Variants in RAD23B observed in about 807,000 individuals in gnomAD.
The protein encoded by RAD23B is lysine-specific demethylase RAD23B.
A neutral mutation model predicts 49.1 loss-of-function variants in RAD23B; 5 were observed. The observed-to-expected ratio is 0.10, with a 90% confidence interval of 0.05 to 0.21. The LOEUF is 0.21. Ranked by LOEUF, RAD23B falls within the 10% of genes least tolerant of loss-of-function variation. The pLI is 1.00. For synonymous variants in RAD23B, 184 were observed against 165.4 expected (o/e 1.11, Z -0.86); for missense variants, 356 against 486.7 (o/e 0.73, Z 2.53).
intron 1 of RAD23B, among the ~76,000 whole-genome samples, chr9:107,283,900 G>A (rs1470168909): frequency 1.3e-5 from 2 of 152,178 alleles, no homozygotes; most frequent in Non-Finnish European, 2.9e-5. Flanking sequence ...GAATGGGGAA[G>A]CAGTGGCCGG....
Position 107,283,619 on chromosome 9 carries a change from GCGGC to G in RAD23B, c.-10_-7del. On this transcript the variant is annotated 5_prime_UTR_variant, in exon 1 of 10. Coordinates refer to ENST00000358015, the MANE Select transcript of RAD23B (RefSeq NM_002874.5). ...GGCGCAGGCCCGGCAGCCGAGCTGC[GCGGC>G]GGCACCATGCAGGTCACCCTGAAGA... 1 of 1,473,498 alleles carries G rather than the reference GCGGC, an allele frequency of 6.8e-7. No individual in the cohort carries two copies. The highest frequency in any genetic ancestry group is 3.1e-5 in the East Asian group (1 of 31,934). 91.3% of individuals were successfully genotyped at this position (1,473,498 alleles called of 1,614,324 possible). A position where few individuals can be genotyped will look rare whatever the true frequency, so the allele number is the denominator to read the frequency against.
Position 107,331,424 on chromosome 9 carries a change from A to T in RAD23B, c.*1768A>T. The T allele has an allele frequency of 2.7e-6, 1 of 366,764 alleles. No individual in the cohort carries two copies. The highest frequency in any genetic ancestry group is 5.4e-5 in the South Asian group (1 of 18,622). 22.7% of individuals were successfully genotyped at this position (366,764 alleles called of 1,614,324 possible). On this transcript the variant is annotated 3_prime_UTR_variant, in exon 10 of 10. Transcript: ENST00000358015. ...AGGCTGAGGCATGAGAATTGCTTGA[A>T]CCCGGGAAGTGAAGGTTGCCGTGAG...
chr9:107,329,015 G>GT (rs1404423631), intron 9 of RAD23B, among the ~76,000 whole-genome samples: 2 of 152,154 alleles, frequency 1.3e-5, no homozygotes, highest in East Asian at 3.8e-4. Context: ...AGTATGGAGT[G>GT]TTGAATAAAG....
chr9:107,299,147 T>G (rs1468108107), intron 1 of RAD23B, among the ~76,000 whole-genome samples: 1 of 152,232 alleles, frequency 6.6e-6, no homozygotes, highest in African/African-American at 2.4e-5. Flanking sequence ...CATCTGAAGC[T>G]AAATAAGCTT....
At chr9:107,320,346 G>A (rs1357999110) in intron 6 of RAD23B, among the ~76,000 whole-genome samples, 1 of 152,166 alleles carries the variant, frequency 6.6e-6, no homozygotes, top group East Asian at 1.9e-4. Context: ...TTATGGAGTG[G>A]CTTTCATTTA....
At chr9:107,309,309 C>G (rs574059461) in intron 4 of RAD23B, among the ~76,000 whole-genome samples, 1 of 152,116 alleles carries the variant, frequency 6.6e-6, no homozygotes, top group African/African-American at 2.4e-5. Flanking sequence ...ATAGCTGATA[C>G]TACAAGACAG....
Position 107,318,836 on chromosome 9 carries a change from C to G in RAD23B, c.638C>G (p.Ala213Gly). ...GAGCAAGTAATTGCAGCCCTGAGAG[C>G]CAGTTTCAACAACCCTGACAGAGCA... ...EREQVIAALR[A>G]SFNNPDRAVE... The change falls in exon 6 of 10, where the codon GCC becomes GGC. Residue 213 changes from alanine to glycine, a missense_variant. By Grantham distance (60) the Ala-to-Gly change is moderately conservative. Around this residue, in one of 5 missense-constraint regions of RAD23B, gnomAD observed 148 missense variants for 231.7 expected, o/e 0.64. Coordinates refer to ENST00000358015, the MANE Select transcript of RAD23B (RefSeq NM_002874.5). This position sits in a 1 kb window ranked among gnomAD's most constrained non-coding sequence, Gnocchi z 4.3. 1.2e-6 allele frequency: 2 copies of G among 1,613,468 alleles called. No homozygotes were observed. Among genetic ancestry groups the G allele is most frequent in the Non-Finnish European group, 1.7e-6 (2 of 1,179,530 alleles).
At chr9:107,302,388 C>T (rs538113274) in intron 3 of RAD23B, among the ~76,000 whole-genome samples, 1 of 152,054 alleles carries the variant, frequency 6.6e-6, no homozygotes, top group South Asian at 2.1e-4. Context: ...ATTTTTGCTA[C>T]AGTAGTGAAA....
chr9:107,297,531 G>C (rs1239168205), intron 1 of RAD23B, among the ~76,000 whole-genome samples: 2 of 152,036 alleles, frequency 1.3e-5, no homozygotes, highest in African/African-American at 2.4e-5. Context: ...AGTAGAGATG[G>C]GGTTTCACCA....
At chr9:107,288,080 C>T (rs1449822992) in intron 1 of RAD23B, among the ~76,000 whole-genome samples, 4 of 152,028 alleles carry the variant, frequency 2.6e-5, no homozygotes, top group African/African-American at 9.7e-5. Context: ...GGCATATTGG[C>T]AGAACAAGAT....
At chr9:107,296,142 G>GT (rs976010651) in intron 1 of RAD23B, among the ~76,000 whole-genome samples, 3 of 152,320 alleles carry the variant, frequency 2.0e-5, no homozygotes, top group African/African-American at 7.2e-5. Context: ...AAAGATCACT[G>GT]TTTTGTTCAA....
chr9:107,286,882 T>C (rs10816483), intron 1 of RAD23B, among the ~76,000 whole-genome samples: 113,591 of 151,834 alleles, frequency 0.75, 43,436 homozygotes, highest in African/African-American at 0.92. Context: ...ACCATCCTGG[T>C]TAACACGGTG....
Position 107,331,506 on chromosome 9 carries a change from A to G in RAD23B, c.*1850A>G, listed in dbSNP as rs1827306092. The G allele has an allele frequency of 1.7e-6, 1 of 582,672 alleles. No individual in the cohort carries two copies. The highest frequency in any genetic ancestry group is 3.0e-6 in the Non-Finnish European group (1 of 328,290). 36.1% of individuals were successfully genotyped at this position (582,672 alleles called of 1,614,324 possible). A position where few individuals can be genotyped will look rare whatever the true frequency, so the allele number is the denominator to read the frequency against. ...GGCTTTTGGACTTTGTATTACCTGT[A>G]TGTTTTATAATGGATCATGCATAAT... On this transcript the variant is annotated 3_prime_UTR_variant, in exon 10 of 10. Coordinates refer to ENST00000358015, the MANE Select transcript of RAD23B (RefSeq NM_002874.5).
intron 1 of RAD23B, among the ~76,000 whole-genome samples, chr9:107,284,533 T>G (rs1833235360): frequency 6.6e-6 from 1 of 152,188 alleles, no homozygotes; most frequent in Admixed American, 6.5e-5. Context: ...TTTCTGCAGT[T>G]AAAGCCTTAA....
chr9:107,318,722 C>CTTTTT lies in RAD23B; in HGVS notation c.554-27_554-23dup. The CTTTTT allele has an allele frequency of 6.3e-7, 1 of 1,582,052 alleles. No individual in the cohort carries two copies. Among genetic ancestry groups the CTTTTT allele is most frequent in the South Asian group, 1.1e-5 (1 of 88,542 alleles). On this transcript the variant is annotated intron_variant, in intron 5 of 9. Transcript: ENST00000358015. This position sits in a 1 kb window ranked among gnomAD's most constrained non-coding sequence, Gnocchi z 4.3. ...GAGAATGCTTATTTATTAAATGTTC[C>CTTTTT]TTTTTTTCCCCTCCACCCTCCCTTT...
intron 1 of RAD23B, among the ~76,000 whole-genome samples, chr9:107,287,138 A>G (rs1833286948): frequency 6.6e-6 from 1 of 152,172 alleles, no homozygotes; most frequent in Admixed American, 6.5e-5. Flanking sequence ...GAAATGGAAT[A>G]CAGTTTTTAA....
intron 1 of RAD23B, among the ~76,000 whole-genome samples, chr9:107,291,703 G>A (rs912149679): frequency 3.3e-5 from 5 of 152,162 alleles, no homozygotes; most frequent in Non-Finnish European, 5.9e-5. Context: ...GCCTGTACCA[G>A]TTTCTCAAGT....
At chr9:107,319,134 T>C (rs935669249) in intron 6 of RAD23B, among the ~76,000 whole-genome samples, 2 of 133,982 alleles carry the variant, frequency 1.5e-5, no homozygotes, top group Non-Finnish European at 3.1e-5. Context: ...TTTTCTTTTT[T>C]TTTTTTTTTT....
intron 1 of RAD23B, among the ~76,000 whole-genome samples, chr9:107,288,724 G>A (rs1197110079): frequency 1.3e-5 from 2 of 152,098 alleles, no homozygotes; most frequent in Admixed American, 6.6e-5. Context: ...AGTCACTGAA[G>A]GCCTTTCTGA....
Sources: allele counts gnomAD v4.1 joint callset (sites outside exome capture counted in the v4.1 genomes callset), GRCh38; gene constraint gnomAD v4.1.1; regional missense constraint gnomAD v4.1.1; non-coding constraint Gnocchi (gnomAD v3.1); transcripts MANE v1.5; gene names NCBI Gene and HGNC (gene_info 2026-07-23, HGNC 2026-07-21).